The following PITPNM2 variants were observed in gnomAD, a reference collection of about 807,000 sequenced individuals.
PITPNM2 encodes phosphatidylinositol transfer protein membrane associated 2.
A neutral mutation model predicts 132.2 loss-of-function variants in PITPNM2; 35 were observed. That is an observed-to-expected ratio of 0.26 (90% confidence interval 0.20 to 0.35). PITPNM2 has a LOEUF of 0.35. PITPNM2 is among the 10% of genes least tolerant of loss of function. The pLI is 1.00. For synonymous variants in PITPNM2, 738 were observed against 799.2 expected (o/e 0.92, Z 1.29); for missense variants, 1,332 against 1,912.0 (o/e 0.70, Z 5.66).
chr12:123,029,844 TG>T (rs2040013117), intron 3 of PITPNM2, among the ~76,000 whole-genome samples: 1 of 151,878 alleles, frequency 6.6e-6, no homozygotes, highest in African/African-American at 2.4e-5. Flanking sequence ...TGTGTGTGTG[TG>T]TGTGTGTGTG....
intron 2 of PITPNM2, chr12:123,092,938 T>G (rs536794823): frequency 1.6e-4 from 24 of 152,374 alleles, no homozygotes; most frequent in Admixed American, 1.5e-3. Flanking sequence ...AACTGAGAAC[T>G]GTGTTTGAGA....
chr12:123,125,114 T>C (rs2043111478), intron 1 of PITPNM2, among the ~76,000 whole-genome samples: 1 of 152,138 alleles, frequency 6.6e-6, no homozygotes, highest in African/African-American at 2.4e-5. Context: ...TGTGTCACCA[T>C]GCCCAGCTAA....
intron 1 of PITPNM2, among the ~76,000 whole-genome samples, chr12:123,138,245 A>G (rs2043425397): frequency 6.6e-6 from 1 of 152,020 alleles, no homozygotes; most frequent in Non-Finnish European, 1.5e-5. Context: ...TCAGGAGTTC[A>G]AGACCAGCCT....
intron 10 of PITPNM2, among the ~76,000 whole-genome samples, chr12:122,999,111 C>CA (rs5801497): frequency 0.043 from 3,858 of 89,632 alleles, 55 homozygotes; most frequent in African/African-American, 0.05. Flanking sequence ...ACCCTGTCTC[C>CA]AAAAAAAAAA....
intron 3 of PITPNM2, among the ~76,000 whole-genome samples, chr12:123,024,067 G>A (rs1313642691): frequency 6.6e-6 from 1 of 152,038 alleles, no homozygotes; most frequent in Non-Finnish European, 1.5e-5. Context: ...CAGCCTGAGC[G>A]ACATAGCAAG....
Position 123,031,892 on chromosome 12 carries a change from C to T in PITPNM2, c.78+2621G>A, listed in dbSNP as rs1414552231. Among the ~76,000 whole-genome samples, 1 of 152,236 alleles carries T rather than the reference C, an allele frequency of 6.6e-6. No homozygotes were observed. Among genetic ancestry groups the T allele is most frequent in the East Asian group, 1.9e-4 (1 of 5,194 alleles). Reference sequence around the variant, plus strand: ...GAAGCTCAGAGGAGCAGCAATGACTCCAGCTAGCCCTTAGAGGCCACAGTG... The same window carrying T: ...GAAGCTCAGAGGAGCAGCAATGACTTCAGCTAGCCCTTAGAGGCCACAGTG... On this transcript the variant is annotated intron_variant, in intron 3 of 25. Coordinates refer to ENST00000320201, the MANE Select transcript of PITPNM2 (RefSeq NM_020845.3). The surrounding 1 kb of genome is among the most constrained non-coding windows in gnomAD (Gnocchi z 4.5).
intron 2 of PITPNM2, among the ~76,000 whole-genome samples, chr12:123,073,250 T>C (rs1051743837): frequency 6.6e-6 from 1 of 152,106 alleles, no homozygotes; most frequent in South Asian, 2.1e-4. Context: ...TACGGAAAAA[T>C]TGCAAAACTA....
intron 2 of PITPNM2, chr12:123,090,734 A>G (rs1297207199): frequency 6.6e-6 from 1 of 152,202 alleles, no homozygotes; most frequent in East Asian, 1.9e-4. Flanking sequence ...CCTATAAGAT[A>G]CACAGGTAGC....
At position 123,019,890 on chromosome 12, in the gene PITPNM2, G is replaced by A. The variant is rs368253462; in HGVS notation, c.79-5848C>T. ...GGGGGTCAGGGAAAGTGACCTGCAG[G>A]GGAGCTGGGAGGTGGGGAGGCACTC... On this transcript the variant is annotated intron_variant, in intron 3 of 25. Coordinates refer to ENST00000320201, the MANE Select transcript of PITPNM2 (RefSeq NM_020845.3). Among the ~76,000 whole-genome samples, 81 of 152,216 alleles carry A rather than the reference G, an allele frequency of 5.3e-4. 2 individuals are homozygous for A. The South Asian group carries it at 0.016, about 29-fold the overall frequency.
rs183475260 is a variant in PITPNM2, at chr12:123,064,261, G to A, written c.-95-29576C>T. ...ATTGGAAAATGGAAACCAAGAGAGC[G>A]ACAGGGACTTGGTCAAGGTCATCGG... On this transcript the variant is annotated intron_variant, in intron 2 of 25. Coordinates refer to ENST00000320201, the MANE Select transcript of PITPNM2 (RefSeq NM_020845.3). This position sits in a 1 kb window ranked among gnomAD's most constrained non-coding sequence, Gnocchi z 4.0. 3.0e-3 allele frequency among the ~76,000 whole-genome samples: 462 copies of A among 152,328 alleles called. 5 individuals carry two copies. The highest frequency in any genetic ancestry group is 0.01 in the African/African-American group (416 of 41,560).
At chr12:122,988,065 G>A (rs1467938770) in intron 20 of PITPNM2, among the ~76,000 whole-genome samples, 164 bp from the exon 21 acceptor site, 1 of 152,222 alleles carries the variant, frequency 6.6e-6, no homozygotes, top group Non-Finnish European at 1.5e-5. Flanking sequence ...GAGAAACTAG[G>A]AAGCCTTGCT....
intron 2 of PITPNM2, among the ~76,000 whole-genome samples, chr12:123,056,380 G>A (rs1226820679): frequency 6.6e-6 from 1 of 152,144 alleles, no homozygotes; most frequent in Non-Finnish European, 1.5e-5. Context: ...ACGTTGCCCG[G>A]GAGACAAAAT....
intron 1 of PITPNM2, among the ~76,000 whole-genome samples, chr12:123,113,020 T>C (rs1370073497): frequency 6.6e-6 from 1 of 152,268 alleles, no homozygotes; most frequent in African/African-American, 2.4e-5. Flanking sequence ...TTTCTCTATA[T>C]GATTCCTATT....
chr12:123,016,187 G>T (rs1019296029), intron 3 of PITPNM2, among the ~76,000 whole-genome samples: 1 of 151,970 alleles, frequency 6.6e-6, no homozygotes, highest in Non-Finnish European at 1.5e-5. Flanking sequence ...GTAGCTGGGC[G>T]TGGTGGCACA....
chr12:123,090,850 C>T (rs897866431), intron 2 of PITPNM2: 6 of 152,304 alleles, frequency 3.9e-5, no homozygotes, highest in Non-Finnish European at 7.3e-5. Context: ...CTTCCTAACC[C>T]TTGATGTAGA....
rs1284879659 is a variant in PITPNM2, at chr12:123,116,443, A to G, written c.-199-5955T>C. The stretch of plus-strand genomic sequence containing the variant: ...GGTAAGAGGATCACTTGAGGCCAGG[A>G]GTCCAAGACCAGCCTGGGCAACATA... On this transcript the variant is annotated intron_variant, in intron 1 of 25. Transcript: ENST00000320201. 2.0e-5 allele frequency among the ~76,000 whole-genome samples: 3 copies of G among 152,238 alleles called. 1 individual carries two copies. The East Asian group carries it at 5.8e-4, about 29-fold the overall frequency.
intron 1 of PITPNM2, among the ~76,000 whole-genome samples, chr12:123,148,199 G>T (rs550286928): frequency 1.3e-5 from 2 of 152,154 alleles, no homozygotes; most frequent in African/African-American, 4.8e-5. Context: ...CCACTTAGCC[G>T]CATCTGTGTT....
rs1187948395 is a variant in PITPNM2 at position 122,987,664 on chromosome 12, G to GCC, written c.3115-7_3115-6dup. 6.2e-7 allele frequency: 1 copy of GCC among 1,611,792 alleles called. No individual in the cohort carries two copies. The highest frequency in any genetic ancestry group is 1.3e-5 in the African/African-American group (1 of 74,898). On this transcript the variant is annotated splice_region_variant and splice_polypyrimidine_tract_variant and intron_variant, in intron 21 of 25. Coordinates refer to ENST00000320201, the MANE Select transcript of PITPNM2 (RefSeq NM_020845.3). The stretch of plus-strand genomic sequence containing the variant: ...GGTCATGATGTGCACATCCACCTGG[G>GCC]CCCAGCAGGCTGGTCACGGGCTGGC...
At chr12:123,055,706 T>C (rs571562092) in intron 2 of PITPNM2, among the ~76,000 whole-genome samples, 2 of 152,272 alleles carry the variant, frequency 1.3e-5, no homozygotes, top group South Asian at 2.1e-4. Context: ...GGATCTTCCA[T>C]TCAGCTTCAA....
Sources: allele counts gnomAD v4.1 joint callset (sites outside exome capture counted in the v4.1 genomes callset), GRCh38; gene constraint gnomAD v4.1.1; non-coding constraint Gnocchi (gnomAD v3.1); transcripts MANE v1.5; gene names NCBI Gene and HGNC (gene_info 2026-07-23, HGNC 2026-07-21).